The following ZMPSTE24 variants were observed in gnomAD, a reference collection of about 807,000 sequenced individuals.
ZMPSTE24 encodes CAAX prenyl protease 1 homolog.
Under a neutral mutation model 56.7 loss-of-function variants are expected in ZMPSTE24, and 48 were observed. The ratio of observed to expected loss-of-function variants is 0.85; its 90% confidence interval spans 0.67 to 1.08. ZMPSTE24 has a LOEUF of 1.08. Ranked by LOEUF, ZMPSTE24 falls within the 50% of genes least tolerant of loss-of-function variation. The pLI is 0.00. For missense variants in ZMPSTE24, 503 were observed against 548.7 expected (o/e 0.92, Z 0.83); for synonymous variants, 172 against 195.2 (o/e 0.88, Z 0.99).
chr1:40,259,917 G>A (rs894564278), intron 1 of ZMPSTE24, among the ~76,000 whole-genome samples: 2 of 151,616 alleles, frequency 1.3e-5, no homozygotes, highest in Non-Finnish European at 2.9e-5. Context: ...GCTTTTATTG[G>A]CACACAACAA....
intron 6 of ZMPSTE24, among the ~76,000 whole-genome samples, chr1:40,275,779 G>A (rs932569452): frequency 8.3e-5 from 12 of 144,898 alleles, no homozygotes; most frequent in African/African-American, 2.8e-4. Flanking sequence ...AAAAAACAAC[G>A]TTTGATATCT....
intron 8 of ZMPSTE24, among the ~76,000 whole-genome samples, chr1:40,290,358 C>T (rs1446328813): frequency 6.6e-6 from 1 of 150,922 alleles, no homozygotes; most frequent in African/African-American, 2.4e-5. Flanking sequence ...GAGCTCCACC[C>T]TGGGCGACAG....
chr1:40,261,351 A>AT (rs764643306), intron 2 of ZMPSTE24, among the ~76,000 whole-genome samples: 64 of 145,704 alleles, frequency 4.4e-4, no homozygotes, highest in Non-Finnish European at 4.3e-4. Flanking sequence ...ATTTGCCTGG[A>AT]TTTTTTTTTT....
intron 7 of ZMPSTE24, among the ~76,000 whole-genome samples, chr1:40,285,653 G>GT (rs937789228): frequency 2.0e-4 from 30 of 149,162 alleles, no homozygotes; most frequent in East Asian, 2.0e-4. Flanking sequence ...ATTTCTTCCA[G>GT]TTTTTTTTTT....
intron 7 of ZMPSTE24, 90 bp downstream of exon 7, chr1:40,281,617 G>A: frequency 1.5e-6 from 2 of 1,362,766 alleles, no homozygotes; most frequent in East Asian, 5.0e-5. Flanking sequence ...TAGGCAGTGA[G>A]TGTTGAATTC....
intron 7 of ZMPSTE24, among the ~76,000 whole-genome samples, chr1:40,284,143 G>T (rs61662682): frequency 6.9e-6 from 1 of 145,448 alleles, no homozygotes. Context: ...TAGTAGAGAC[G>T]GGGTTTCACC....
chr1:40,291,983 G>C (rs1400725437), intron 9 of ZMPSTE24, among the ~76,000 whole-genome samples: 1 of 151,896 alleles, frequency 6.6e-6, no homozygotes, highest in Non-Finnish European at 1.5e-5. Flanking sequence ...TGGGACTACA[G>C]GCACCCATCA....
At chr1:40,260,055 C>CTTT (rs11383054) in intron 1 of ZMPSTE24, among the ~76,000 whole-genome samples, 20 of 84,362 alleles carry the variant, frequency 2.4e-4, no homozygotes, top group African/African-American at 5.4e-4. Context: ...GATCTTTCTC[C>CTTT]TTTTTTTTTT....
At position 40,292,863 on chromosome 1, in the gene ZMPSTE24, A is replaced by G; in HGVS notation, c.*194A>G. On this transcript the variant is annotated 3_prime_UTR_variant, in exon 10 of 10. Transcript: ENST00000372759. ...TCTTAAAACACTGAATGAATTTTGA[A>G]GCTTAATGTTTTTAAAGGCATAGTT... is the stretch of plus-strand genomic sequence containing the variant. 1.9e-6 allele frequency: 1 copy of G among 518,814 alleles called. No individual in the cohort carries two copies. The highest frequency in any genetic ancestry group is 3.4e-5 in the East Asian group (1 of 29,170). 32.1% of individuals were successfully genotyped at this position (518,814 alleles called of 1,614,324 possible).
At chr1:40,292,410 G>A (rs1473138758) in intron 9 of ZMPSTE24, 35 bp from the exon 10 acceptor site, 4 of 1,594,316 alleles carry the variant, frequency 2.5e-6, no homozygotes, top group African/African-American at 1.3e-5. Context: ...CAAAGAGGTG[G>A]GCAGTGGCTA....
intron 2 of ZMPSTE24, chr1:40,262,869 C>A: frequency 8.5e-7 from 1 of 1,170,044 alleles, no homozygotes; most frequent in Non-Finnish European, 1.1e-6. Flanking sequence ...ACAACACTAC[C>A]TGAAGAAGTA....
chr1:40,273,537 A>AAAAAAAAAAAAAAAATATAT (rs1224234676), intron 6 of ZMPSTE24, among the ~76,000 whole-genome samples: 1 of 12,388 alleles, frequency 8.1e-5, no homozygotes, highest in African/African-American at 1.8e-4. Flanking sequence ...AAAAAAAAAA[A>AAAAAAAAAAAAAAAATATAT]ATATATATAT....
At position 40,260,892 on chromosome 1, in the gene ZMPSTE24, G is replaced by A. The variant is rs781515504; in HGVS notation, c.177G>A (p.Met59Ile). ...THVPPELGQI[M>I]DSETFEKSRL... ...TACCACCGGAGTTAGGACAGATCAT[G>A]GATTCTGAAACATTTGAGAAATCTC... Residue 59 changes from methionine to isoleucine, a missense_variant, in exon 2 of 10, where the codon ATG becomes ATA. Transcript: ENST00000372759. 1.2e-6 allele frequency: 2 copies of A among 1,614,012 alleles called. No homozygotes were observed. Among genetic ancestry groups the A allele is most frequent in the African/African-American group, 2.7e-5 (2 of 74,930 alleles).
intron 7 of ZMPSTE24, among the ~76,000 whole-genome samples, chr1:40,282,268 T>C (rs1036813102): frequency 5.3e-5 from 8 of 152,348 alleles, no homozygotes; most frequent in South Asian, 2.1e-4. Flanking sequence ...AGAAAGCTGC[T>C]TCTGAATCCT....
rs1398222486 is a variant in ZMPSTE24 at position 40,293,535 on chromosome 1, T to A, written c.*866T>A. 6.6e-6 allele frequency: 1 copy of A among 152,212 alleles called. No individual in the cohort carries two copies. Among genetic ancestry groups the A allele is most frequent in the Non-Finnish European group, 1.5e-5 (1 of 68,036 alleles). The allele number at this position is 152,212 out of a possible 1,614,324, so 9.4% of individuals were successfully genotyped here. On this transcript the variant is annotated 3_prime_UTR_variant, in exon 10 of 10. Coordinates refer to ENST00000372759, the MANE Select transcript of ZMPSTE24 (RefSeq NM_005857.5). ...AAGTGGCAGAACAGGAAAGACGAAT[T>A]AAAAATAACATTTTTTAAGCGACAT...
intron 2 of ZMPSTE24, chr1:40,262,525 C>CTT (rs77653659): frequency 8.1e-5 from 10 of 123,472 alleles, no homozygotes; most frequent in Middle Eastern, 3.9e-3. Flanking sequence ...AGACACTATT[C>CTT]TTTTTTTTTT....
intron 2 of ZMPSTE24, among the ~76,000 whole-genome samples, chr1:40,266,761 GTTTTTTTTTTT>G (rs3075102): frequency 3.4e-5 from 3 of 88,116 alleles, no homozygotes; most frequent in Admixed American, 2.5e-4. Context: ...TTTCGAACAA[GTTTTTTTTTTT>G]TTTTTTTTTT....
chr1:40,282,929 A>G (rs1242964971), intron 7 of ZMPSTE24, among the ~76,000 whole-genome samples: 2 of 152,152 alleles, frequency 1.3e-5, no homozygotes, highest in Admixed American at 1.3e-4. Flanking sequence ...AGATACCTAC[A>G]TTTTAGGGTT....
Position 40,270,141 on chromosome 1 carries a change from T to TC in ZMPSTE24, c.627+14_627+15insC, listed in dbSNP as rs1207620503. The TC allele has an allele frequency of 6.2e-7, 1 of 1,613,764 alleles. No individual in the cohort carries two copies. The highest frequency in any genetic ancestry group is 1.7e-5 in the Admixed American group (1 of 60,030). ...GTTGTGTCTCTGGTGAGTAAAATCT[T>TC]TATTTCGTTTTCTTTTGCAAAAGTT... is the stretch of plus-strand genomic sequence containing the variant. On this transcript the variant is annotated intron_variant, in intron 5 of 9. Coordinates refer to ENST00000372759, the MANE Select transcript of ZMPSTE24 (RefSeq NM_005857.5).
Sources: gnomAD v4.1 joint callset for allele counts (sites outside exome capture counted in the v4.1 genomes callset) on GRCh38, gnomAD v4.1.1 for gene constraint, MANE v1.5 for transcripts, NCBI Gene and HGNC (gene_info 2026-07-23, HGNC 2026-07-21) for gene names.